GKAP1: variants seen among roughly 807,000 people sequenced by gnomAD.
GKAP1 encodes G kinase-anchoring protein 1.
In GKAP1, 31 loss-of-function variants were observed where a neutral mutation model predicts 56.7. The ratio of observed to expected loss-of-function variants is 0.55; its 90% CI spans 0.41 to 0.74. GKAP1 has a LOEUF of 0.74. Among genes scored for constraint, GKAP1 ranks in the 30% least tolerant of loss-of-function variants. GKAP1 has a pLI of 0.00. For synonymous variants in GKAP1, 151 were observed against 138.6 expected (o/e 1.09, Z -0.63); for missense variants, 364 against 402.3 (o/e 0.90, Z 0.82).
At chr9:83,809,123 A>G (rs1483839617) in intron 2 of GKAP1, among the ~76,000 whole-genome samples, 1 of 152,202 alleles carries the variant, frequency 6.6e-6, no homozygotes, top group Admixed American at 6.5e-5. Context: ...TCTAGGACTG[A>G]TATGAAAACT....
intron 10 of GKAP1, among the ~76,000 whole-genome samples, chr9:83,744,612 T>C (rs1443727400): frequency 6.6e-6 from 1 of 152,250 alleles, no homozygotes; most frequent in Non-Finnish European, 1.5e-5. Flanking sequence ...CCCATCTTTT[T>C]TTCATGTGTC....
Position 83,768,821 on chromosome 9 carries a change from G to A in GKAP1, c.735C>T (p.Asn245=). 6.2e-7 allele frequency: 1 copy of A among 1,608,832 alleles called. No homozygotes were observed. Among genetic ancestry groups the A allele is most frequent in the Non-Finnish European group, 8.5e-7 (1 of 1,178,584 alleles). Residue 245 remains asparagine (N), a synonymous_variant, in exon 8 of 13, where the codon AAC becomes AAT. Transcript: ENST00000376371. ...GTDNCTAHEH[N]QEVVLKDGRI... ...GAGAATTTTCTACTTTACATGCCTG[G>A]TTGTGTTCATGAGCTGTACAATTAT... is the stretch of plus-strand genomic sequence containing the variant.
chr9:83,744,809 C>T (rs1232314120), intron 10 of GKAP1, among the ~76,000 whole-genome samples: 1 of 151,930 alleles, frequency 6.6e-6, no homozygotes, highest in Non-Finnish European at 1.5e-5. Flanking sequence ...GGCTGGGAGG[C>T]CTCAGGAAAC....
At chr9:83,788,271 C>T (rs557381562) in intron 5 of GKAP1, among the ~76,000 whole-genome samples, 1 of 152,178 alleles carries the variant, frequency 6.6e-6, no homozygotes, top group Admixed American at 6.5e-5. Context: ...GAGTGAGACT[C>T]GGTCCCAAGA....
intron 2 of GKAP1, among the ~76,000 whole-genome samples, chr9:83,816,102 C>A (rs1219908034): frequency 6.7e-6 from 1 of 150,366 alleles, no homozygotes; most frequent in Admixed American, 6.6e-5. Context: ...GGCAGGAGAG[C>A]TGCTTGAACC....
intron 5 of GKAP1, among the ~76,000 whole-genome samples, chr9:83,787,684 T>C (rs1470937614): frequency 6.6e-6 from 1 of 152,212 alleles, no homozygotes; most frequent in Non-Finnish European, 1.5e-5. Context: ...CGGAATAAAA[T>C]GTTAAATGAT....
chr9:83,754,773 C>G (rs1214063961), intron 8 of GKAP1, among the ~76,000 whole-genome samples: 2 of 152,150 alleles, frequency 1.3e-5, no homozygotes, highest in African/African-American at 4.8e-5. Context: ...CTGAGTAAAA[C>G]AGAAAGCAGT....
At chr9:83,786,448 G>A (rs142020790) in intron 5 of GKAP1, among the ~76,000 whole-genome samples, 15,417 of 151,906 alleles carry the variant, frequency 0.1, 999 homozygotes, top group Non-Finnish European at 0.14. Context: ...GGCTGAGGCA[G>A]GAGAATCACT....
chr9:83,790,811 C>T (rs1490600532), intron 4 of GKAP1, among the ~76,000 whole-genome samples: 1 of 151,128 alleles, frequency 6.6e-6, no homozygotes, highest in East Asian at 1.9e-4. Context: ...GACTCCGTCT[C>T]AAAAAAAGAA....
chr9:83,750,983 G>A (rs952691790), intron 9 of GKAP1, among the ~76,000 whole-genome samples: 4 of 152,028 alleles, frequency 2.6e-5, no homozygotes, highest in South Asian at 2.1e-4. Context: ...CTACAGGCGC[G>A]TGCCACCAAG....
intron 6 of GKAP1, among the ~76,000 whole-genome samples, chr9:83,783,568 TTC>T (rs1329851781): frequency 2.0e-5 from 3 of 152,252 alleles, no homozygotes; most frequent in Non-Finnish European, 4.4e-5. Flanking sequence ...GTAAAATTCC[TTC>T]TGTCTTCTCC....
chr9:83,777,103 G>A (rs375358456), intron 7 of GKAP1, among the ~76,000 whole-genome samples: 1 of 152,150 alleles, frequency 6.6e-6, no homozygotes, highest in Non-Finnish European at 1.5e-5. Flanking sequence ...AAGCAGGCAG[G>A]CTATTTCTCC....
At chr9:83,800,305 A>G (rs1944309990) in intron 3 of GKAP1, among the ~76,000 whole-genome samples, 1 of 150,060 alleles carries the variant, frequency 6.7e-6, no homozygotes, top group Non-Finnish European at 1.5e-5. Flanking sequence ...AAAAAAAAAA[A>G]GTTTAGCCTA....
intron 9 of GKAP1, among the ~76,000 whole-genome samples, chr9:83,750,832 T>A (rs1943377184): frequency 6.6e-6 from 1 of 152,172 alleles, no homozygotes; most frequent in Admixed American, 6.5e-5. Flanking sequence ...ATGCCCTCTC[T>A]ATTTTATTTC....
intron 8 of GKAP1, among the ~76,000 whole-genome samples, chr9:83,758,371 T>A (rs1220706108): frequency 6.6e-6 from 1 of 152,180 alleles, no homozygotes; most frequent in African/African-American, 2.4e-5. Context: ...GAAAACTAGA[T>A]TCATTATTGT....
chr9:83,760,408 A>G (rs1271222483), intron 8 of GKAP1, among the ~76,000 whole-genome samples: 1 of 152,186 alleles, frequency 6.6e-6, no homozygotes, highest in African/African-American at 2.4e-5. Flanking sequence ...GGGCCCCAAT[A>G]CAATAATAGC....
chr9:83,812,868 C>T (rs1041069279), intron 2 of GKAP1, among the ~76,000 whole-genome samples: 3 of 152,046 alleles, frequency 2.0e-5, no homozygotes, highest in Admixed American at 6.6e-5. Context: ...GAGCAACTAT[C>T]GAAGACTAAT....
Position 83,744,930 on chromosome 9 carries a change from A to C in GKAP1, c.905-2330T>G, listed in dbSNP as rs1372425536. On this transcript the variant is annotated intron_variant, in intron 10 of 12. Coordinates refer to ENST00000376371, the MANE Select transcript of GKAP1 (RefSeq NM_025211.4). Reference sequence around the variant, plus strand: ...CATCAGATCTCATGAGAACTCACTAACATGAGAATAGCATGGGGGAAAGCA... The same window carrying C: ...CATCAGATCTCATGAGAACTCACTACCATGAGAATAGCATGGGGGAAAGCA... Among the ~76,000 whole-genome samples, 5 of 152,260 alleles carry C rather than the reference A, an allele frequency of 3.3e-5. No individual in the cohort carries two copies. In the East Asian group the frequency reaches 7.7e-4, roughly 24 times the overall value.
At chr9:83,765,964 ATG>A (rs1943656646) in intron 8 of GKAP1, among the ~76,000 whole-genome samples, 1 of 152,212 alleles carries the variant, frequency 6.6e-6, no homozygotes, top group Non-Finnish European at 1.5e-5. Context: ...GTGTTTTGAA[ATG>A]TGAGGACATG....
Sources: allele counts gnomAD v4.1 joint callset (sites outside exome capture counted in the v4.1 genomes callset), GRCh38; gene constraint gnomAD v4.1.1; transcripts MANE v1.5; gene names NCBI Gene and HGNC (gene_info 2026-07-23, HGNC 2026-07-21).